PRKCA: variants seen among roughly 807,000 people sequenced by gnomAD.
PRKCA encodes protein kinase C alpha, also known as protein kinase C alpha type.
Under a neutral mutation model 87.0 loss-of-function variants are expected in PRKCA, and 27 were observed. That is an observed-to-expected ratio of 0.31 (90% confidence interval 0.23 to 0.43). The LOEUF (loss-of-function observed/expected upper bound fraction) is 0.43. PRKCA is among the 20% of genes least tolerant of loss of function. PRKCA has a pLI of 1.00. For synonymous variants in PRKCA, 329 were observed against 311.1 expected, an observed-to-expected ratio of 1.06 and a Z score of -0.61; for missense variants, 518 against 852.3, an observed-to-expected ratio of 0.61 and a Z score of 4.88.
At chr17:66,458,158 T>C (rs1449222047) in intron 2 of PRKCA, among the ~76,000 whole-genome samples, 2 of 152,212 alleles carry the variant, frequency 1.3e-5, no homozygotes, top group Admixed American at 6.5e-5. Context: ...GTATACTGAT[T>C]TTAATTTTTA....
At chr17:66,445,446 C>T (rs942169386) in intron 2 of PRKCA, among the ~76,000 whole-genome samples, 3 of 152,256 alleles carry the variant, frequency 2.0e-5, no homozygotes, top group Non-Finnish European at 4.4e-5. Context: ...GAGTAGAAGG[C>T]TTCCTAATGA....
At chr17:66,456,783 A>G (rs1914592197) in intron 2 of PRKCA, among the ~76,000 whole-genome samples, 1 of 152,206 alleles carries the variant, frequency 6.6e-6, no homozygotes, top group Non-Finnish European at 1.5e-5. Context: ...GCCCTGGGCC[A>G]CACCATATTT....
intron 3 of PRKCA, among the ~76,000 whole-genome samples, chr17:66,553,132 C>A (rs1039879371): frequency 1.3e-5 from 2 of 152,006 alleles, no homozygotes; most frequent in African/African-American, 2.4e-5. Context: ...CAGGCTTGTA[C>A]CAGCATGCCT....
At chr17:66,636,192 C>T (rs1442316661) in intron 3 of PRKCA, among the ~76,000 whole-genome samples, 1 of 152,098 alleles carries the variant, frequency 6.6e-6, no homozygotes, top group African/African-American at 2.4e-5. Context: ...ACACAGTGAG[C>T]CTGGGGAGTT....
At chr17:66,745,009 G>C (rs565487318) in intron 13 of PRKCA, among the ~76,000 whole-genome samples, 1 of 152,290 alleles carries the variant, frequency 6.6e-6, no homozygotes, top group East Asian at 1.9e-4. Context: ...ATTATATGGG[G>C]CCCACTTGGA....
At chr17:66,565,457 T>A (rs1181418341) in intron 3 of PRKCA, among the ~76,000 whole-genome samples, 2 of 152,224 alleles carry the variant, frequency 1.3e-5, no homozygotes, top group Non-Finnish European at 2.9e-5. Flanking sequence ...TGAATTTTAA[T>A]CCCAGCTCTG....
At chr17:66,546,503 C>T (rs1051165389) in intron 3 of PRKCA, among the ~76,000 whole-genome samples, 8 of 152,160 alleles carry the variant, frequency 5.3e-5, no homozygotes, top group African/African-American at 1.4e-4. Context: ...TGTTAGTTGC[C>T]GCTAATCCTC....
intron 2 of PRKCA, among the ~76,000 whole-genome samples, chr17:66,458,337 G>A (rs556858369): frequency 6.6e-6 from 1 of 152,242 alleles, no homozygotes; most frequent in South Asian, 2.1e-4. Flanking sequence ...GGTACAAAAA[G>A]TCTACAGCTT....
At chr17:66,527,673 T>C (rs900977958) in intron 3 of PRKCA, among the ~76,000 whole-genome samples, 1 of 152,234 alleles carries the variant, frequency 6.6e-6, no homozygotes, top group Non-Finnish European at 1.5e-5. Context: ...GGTCAGCATA[T>C]ATCTGTACTG....
chr17:66,325,190 T>C (rs142053272), intron 2 of PRKCA, among the ~76,000 whole-genome samples: 1 of 152,392 alleles, frequency 6.6e-6, no homozygotes, highest in African/African-American at 2.4e-5. Flanking sequence ...TGGATTGGCC[T>C]TAGGCCAGAA....
At chr17:66,428,694 G>A (rs1382171287) in intron 2 of PRKCA, among the ~76,000 whole-genome samples, 1 of 151,794 alleles carries the variant, frequency 6.6e-6, no homozygotes, top group Non-Finnish European at 1.5e-5. Flanking sequence ...GGTAGAGATG[G>A]GTTTTCACTA....
At chr17:66,336,087 T>C (rs1296999331) in intron 2 of PRKCA, among the ~76,000 whole-genome samples, 1 of 152,242 alleles carries the variant, frequency 6.6e-6, no homozygotes, top group African/African-American at 2.4e-5. Context: ...AATCCATTTT[T>C]ATTACTGATG....
chr17:66,734,308 A>G (rs1973971272), intron 9 of PRKCA, among the ~76,000 whole-genome samples: 1 of 152,232 alleles, frequency 6.6e-6, no homozygotes, highest in Non-Finnish European at 1.5e-5. Context: ...TGCTTGACTG[A>G]GTATACTTAG....
intron 9 of PRKCA, among the ~76,000 whole-genome samples, chr17:66,733,160 A>G (rs1020687854): frequency 6.6e-6 from 1 of 152,142 alleles, no homozygotes; most frequent in African/African-American, 2.4e-5. Flanking sequence ...AAAAAAAAAA[A>G]AAAAAAAGAT....
chr17:66,559,353 G>A (rs1396254534), intron 3 of PRKCA, among the ~76,000 whole-genome samples: 2 of 151,666 alleles, frequency 1.3e-5, no homozygotes, highest in East Asian at 3.9e-4. Flanking sequence ...GTGGGCGCCT[G>A]TAATCCCAGC....
chr17:66,330,561 G>A (rs1906267776), intron 2 of PRKCA, among the ~76,000 whole-genome samples: 1 of 152,106 alleles, frequency 6.6e-6, no homozygotes, highest in African/African-American at 2.4e-5. Flanking sequence ...CATCCTGTCA[G>A]AAGAGATAAA....
chr17:66,747,568 G>A (rs1358674847), intron 13 of PRKCA, among the ~76,000 whole-genome samples: 3 of 152,316 alleles, frequency 2.0e-5, no homozygotes, highest in South Asian at 4.1e-4. Context: ...TCACATAGCT[G>A]GTAAGAGCAA....
Position 66,437,767 on chromosome 17 carries a change from C to T in PRKCA, c.206-58434C>T, listed in dbSNP as rs527827008. ...TGGGTGGGGCGGGGGCGGCTTCAAA[C>T]TGGAGATTAGCAAAAATGAGTTGGA... On this transcript the variant is annotated intron_variant, in intron 2 of 16. Coordinates refer to ENST00000413366, the MANE Select transcript of PRKCA (RefSeq NM_002737.3). Among the ~76,000 whole-genome samples the T allele has an allele frequency of 3.1e-5, 4 of 129,314 alleles. No individual in the cohort carries two copies. In the East Asian group the frequency reaches 1.0e-3, roughly 32 times the overall value. The allele number at this position is 129,314 out of a possible 152,430, so 84.8% of individuals were successfully genotyped here.
At chr17:66,794,173 C>T (rs1424030677) in intron 16 of PRKCA, among the ~76,000 whole-genome samples, 1 of 152,162 alleles carries the variant, frequency 6.6e-6, no homozygotes, top group Non-Finnish European at 1.5e-5. Flanking sequence ...AGGCAGAGCA[C>T]ATTGGAAATA....
Sources: allele counts gnomAD v4.1 joint callset (sites outside exome capture counted in the v4.1 genomes callset), GRCh38; gene constraint gnomAD v4.1.1; transcripts MANE v1.5; gene names NCBI Gene and HGNC (gene_info 2026-07-23, HGNC 2026-07-21).